Variants in OCA2 observed in about 807,000 individuals in gnomAD.
OCA2 encodes the protein OCA2 melanosomal transmembrane protein.
In OCA2, 77 loss-of-function variants were observed where a neutral mutation model predicts 100.2. The ratio of observed to expected loss-of-function variants is 0.77; its 90% CI spans 0.64 to 0.93. The LOEUF (loss-of-function observed/expected upper bound fraction) is 0.93, where lower values mean the gene tolerates loss of function less well. Ranked by LOEUF, OCA2 falls within the 40% of genes least tolerant of loss-of-function variation. The pLI is 0.00. For synonymous variants in OCA2, 432 were observed against 439.2 expected (o/e 0.98, Z 0.21); for missense variants, 1,062 against 1,089.1 (o/e 0.98, Z 0.35).
At chr15:27,740,294 C>A in the OCA2 span, among the ~76,000 whole-genome samples, 1 of 152,126 alleles carries the variant, frequency 6.6e-6, no homozygotes, top group African/African-American at 2.4e-5. Flanking sequence ...GTGTTCTTGG[C>A]TGTGGAGGGA....
chr15:27,957,590 G>A lies in OCA2; in HGVS notation c.1782C>T (p.His594=). 6.2e-7 allele frequency: 1 copy of A among 1,612,498 alleles called. No individual in the cohort carries two copies. The highest frequency in any genetic ancestry group is 8.5e-7 in the Non-Finnish European group (1 of 1,179,860). ...CTGAGCAGGACCCCGCCCGGTACCT[G>A]TGGAAGGTGTGCAGCCTCCGGGCGA... ...HLLARRLHTF[H]RQISQEDKNW... is the part of the protein sequence containing the mutation. Residue 594 remains histidine (H), a splice_region_variant and synonymous_variant, in exon 16 of 24, where the codon CAC becomes CAT. Coordinates refer to ENST00000354638, the MANE Select transcript of OCA2 (RefSeq NM_000275.3). This position sits in a 1 kb window ranked among gnomAD's most constrained non-coding sequence, Gnocchi z 4.3.
chr15:27,821,394 T>A (rs1335308845), intron 23 of OCA2, among the ~76,000 whole-genome samples: 1 of 152,034 alleles, frequency 6.6e-6, no homozygotes, highest in African/African-American at 2.4e-5. Context: ...CATATTACAT[T>A]TACACCCACA....
At chr15:27,784,968 A>G (rs1390112152) in intron 23 of OCA2, among the ~76,000 whole-genome samples, 1 of 152,168 alleles carries the variant, frequency 6.6e-6, no homozygotes, top group Non-Finnish European at 1.5e-5. Context: ...ATATCAAACC[A>G]CAAATCTAAA....
At chr15:27,783,353 A>G (rs1263837622) in intron 23 of OCA2, among the ~76,000 whole-genome samples, 1 of 152,220 alleles carries the variant, frequency 6.6e-6, no homozygotes, top group Non-Finnish European at 1.5e-5. Flanking sequence ...AGTGACTCCT[A>G]TCTTGCTAAT....
intron 10 of OCA2, among the ~76,000 whole-genome samples, chr15:27,990,318 A>G (rs1014356066): frequency 2.0e-5 from 3 of 152,226 alleles, no homozygotes; most frequent in African/African-American, 7.2e-5. Flanking sequence ...GCCCTAGGCA[A>G]ACATGCCCAT....
intron 23 of OCA2, among the ~76,000 whole-genome samples, chr15:27,802,423 C>G (rs533713058): frequency 6.6e-6 from 1 of 152,214 alleles, no homozygotes; most frequent in South Asian, 2.1e-4. Context: ...AAAATCACAG[C>G]AAGCTATTTG....
intron 23 of OCA2, among the ~76,000 whole-genome samples, chr15:27,807,314 C>A (rs539387743): frequency 6.6e-6 from 1 of 152,160 alleles, no homozygotes; most frequent in Non-Finnish European, 1.5e-5. Flanking sequence ...CCTCACTTCT[C>A]TCAGACCACA....
At chr15:27,867,872 A>C (rs2036386568) in intron 21 of OCA2, among the ~76,000 whole-genome samples, 1 of 152,122 alleles carries the variant, frequency 6.6e-6, no homozygotes, top group Admixed American at 6.5e-5. Flanking sequence ...CTTTTTGCTT[A>C]TTTTTTAAGG....
intron 19 of OCA2, among the ~76,000 whole-genome samples, chr15:27,873,317 A>C (rs1362919502): frequency 1.3e-5 from 2 of 152,252 alleles, no homozygotes; most frequent in Non-Finnish European, 2.9e-5. Flanking sequence ...GTCTCCAGAC[A>C]CAGCCACTGT....
chr15:28,039,536 C>CT (rs1217810583), intron 2 of OCA2, among the ~76,000 whole-genome samples: 1 of 152,188 alleles, frequency 6.6e-6, no homozygotes, highest in Admixed American at 6.5e-5. Context: ...ACAACATACT[C>CT]TTAACCAATC....
the OCA2 span, among the ~76,000 whole-genome samples, chr15:27,734,440 T>A: frequency 6.6e-6 from 1 of 152,042 alleles, no homozygotes; most frequent in Non-Finnish European, 1.5e-5. Flanking sequence ...AGTGAGATAA[T>A]GTCTTCTTGG....
chr15:27,777,927 C>T (rs895065657), intron 23 of OCA2, among the ~76,000 whole-genome samples: 3 of 152,196 alleles, frequency 2.0e-5, no homozygotes, highest in African/African-American at 7.2e-5. Context: ...GTGACTCTTT[C>T]TCAGAAAGGA....
intron 15 of OCA2, among the ~76,000 whole-genome samples, chr15:27,965,953 CTGTTTGTTTGTT>C (rs112228806): frequency 8.0e-5 from 12 of 150,808 alleles, no homozygotes; most frequent in Non-Finnish European, 1.5e-4. Flanking sequence ...TCAGCATCTG[CTGTTTGTTTGTT>C]TGTTTGTTTG....
At chr15:27,767,766 G>A (rs2031380518) in intron 23 of OCA2, among the ~76,000 whole-genome samples, 1 of 152,164 alleles carries the variant, frequency 6.6e-6, no homozygotes, top group Admixed American at 6.5e-5. Context: ...TGTGGGTGGG[G>A]ACAAATAAGC....
At chr15:28,067,018 G>A (rs2044044373) in intron 2 of OCA2, among the ~76,000 whole-genome samples, 1 of 152,176 alleles carries the variant, frequency 6.6e-6, no homozygotes, top group South Asian at 2.1e-4. Context: ...TGTATTGATT[G>A]ATGTCTGCCT....
rs572649867 is a variant in OCA2 at position 27,977,218 on chromosome 15, C to T, written c.1503+6127G>A. 2.0e-5 allele frequency among the ~76,000 whole-genome samples: 3 copies of T among 152,136 alleles called. No individual in the cohort carries two copies. In the South Asian group the frequency reaches 6.2e-4, roughly 32 times the overall value. On this transcript the variant is annotated intron_variant, in intron 14 of 23. Coordinates refer to ENST00000354638, the MANE Select transcript of OCA2 (RefSeq NM_000275.3). ...GATCTTGTCAAAGAACCAGCTTTTG[C>T]TTTCGTTGATGTTCCCTATTTTTCT...
intron 2 of OCA2, among the ~76,000 whole-genome samples, chr15:28,047,156 T>C (rs1465294720): frequency 6.6e-6 from 1 of 152,096 alleles, no homozygotes; most frequent in Non-Finnish European, 1.5e-5. Context: ...CATTCTCACC[T>C]CATTCTCTCC....
At chr15:28,066,877 C>T (rs916292961) in intron 2 of OCA2, among the ~76,000 whole-genome samples, 3 of 152,168 alleles carry the variant, frequency 2.0e-5, no homozygotes, top group Admixed American at 6.5e-5. Context: ...CTATTGATTC[C>T]ATGGCTTTAG....
chr15:27,824,600 CTCTA>C (rs1566994638), intron 23 of OCA2, among the ~76,000 whole-genome samples: 2 of 38,512 alleles, frequency 5.2e-5, no homozygotes, highest in Non-Finnish European at 7.8e-5. Flanking sequence ...CTCTCTCTCT[CTCTA>C]TATATATATA....
Sources: allele counts gnomAD v4.1 joint callset (sites outside exome capture counted in the v4.1 genomes callset), GRCh38; gene constraint gnomAD v4.1.1; non-coding constraint Gnocchi (gnomAD v3.1); transcripts MANE v1.5; gene names NCBI Gene and HGNC (gene_info 2026-07-23, HGNC 2026-07-21).